Variants in DPF3 observed in about 807,000 individuals in gnomAD.
The protein encoded by DPF3 is zinc finger protein DPF3.
DPF3 carries 18 observed loss-of-function variants against 56.8 expected under a neutral mutation model. The observed-to-expected ratio is 0.32, with a 90% CI of 0.22 to 0.47. The LOEUF is 0.47. Among genes scored for constraint, DPF3 ranks in the 20% least tolerant of loss-of-function variants. DPF3 has a pLI of 1.00. For synonymous variants in DPF3, 188 were observed against 180.2 expected (o/e 1.04, Z -0.35); for missense variants, 403 against 488.8 (o/e 0.82, Z 1.65).
At chr14:72,877,057 G>T (rs1886144644) in intron 1 of DPF3, among the ~76,000 whole-genome samples, 1 of 152,194 alleles carries the variant, frequency 6.6e-6, no homozygotes, top group Admixed American at 6.6e-5. Flanking sequence ...ATGGAGGAAA[G>T]GAGAAAGACG....
chr14:72,626,242 G>A (rs1213395269), intron 9 of DPF3, among the ~76,000 whole-genome samples: 1 of 152,132 alleles, frequency 6.6e-6, no homozygotes, highest in East Asian at 1.9e-4. Context: ...TCTCAAAGAA[G>A]TGTTGTTTCT....
rs1384949471 is a variant in DPF3 at position 72,616,075 on chromosome 14, T to C, written c.*3222A>G. ...AATAGCTACCATGGAGTGGGGACCA[T>C]CATCATGCCAGACCCGGGCCAGGAT... On this transcript the variant is annotated 3_prime_UTR_variant, in exon 11 of 11. Transcript: ENST00000556509. Among the ~76,000 whole-genome samples, 1 of 152,156 alleles carries C rather than the reference T, an allele frequency of 6.6e-6. No homozygotes were observed. The highest frequency in any genetic ancestry group is 1.5e-5 in the Non-Finnish European group (1 of 68,034).
rs183953743 is a variant in DPF3 at position 72,789,971 on chromosome 14, C to T, written c.33-18078G>A. ...CAACTATCAAAAATTATTTTATAGG[C>T]TAGGTGTGGGTGGCTCATGCCTGTA... On this transcript the variant is annotated intron_variant, in intron 1 of 10. Transcript: ENST00000556509. 4.8e-3 allele frequency among the ~76,000 whole-genome samples: 728 copies of T among 151,966 alleles called. 5 individuals are homozygous for T. Among genetic ancestry groups the T allele is most frequent in the Non-Finnish European group, 7.4e-3 (503 of 67,956 alleles).
chr14:72,673,498 G>A (rs920541183), intron 8 of DPF3, among the ~76,000 whole-genome samples: 1 of 152,170 alleles, frequency 6.6e-6, no homozygotes, highest in African/African-American at 2.4e-5. Context: ...TAATGGTTTG[G>A]TTAGAACTAA....
At chr14:72,721,580 T>C (rs1025825630) in intron 5 of DPF3, among the ~76,000 whole-genome samples, 2 of 152,074 alleles carry the variant, frequency 1.3e-5, no homozygotes, top group Admixed American at 1.3e-4. Flanking sequence ...TGAGGAACTG[T>C]ATAAGGGAGA....
chr14:72,654,088 T>C (rs1480691658), intron 8 of DPF3, among the ~76,000 whole-genome samples: 8 of 152,136 alleles, frequency 5.3e-5, no homozygotes, highest in Admixed American at 6.6e-5. Flanking sequence ...TGCATCCTGC[T>C]CAAGAGCTCG....
chr14:72,839,747 G>A (rs750691121), intron 1 of DPF3, among the ~76,000 whole-genome samples: 20 of 152,168 alleles, frequency 1.3e-4, no homozygotes, highest in Admixed American at 4.6e-4. Context: ...GAAAGGGGCC[G>A]GTGAGGACAC....
chr14:72,771,679 C>G, intron 2 of DPF3, 54 bp downstream of exon 2: 2 of 1,554,036 alleles, frequency 1.3e-6, no homozygotes, highest in Non-Finnish European at 1.7e-6. Context: ...CGGTCCTCCT[C>G]CCTCCAGGCT....
chr14:72,892,525 G>A, intron 1 of DPF3: 1 of 1,390,230 alleles, frequency 7.2e-7, no homozygotes, highest in African/African-American at 1.5e-5. Flanking sequence ...TTTCTGATGG[G>A]CGACGAGCTG....
chr14:72,698,472 A>G (rs529452799), intron 6 of DPF3, among the ~76,000 whole-genome samples: 1 of 152,320 alleles, frequency 6.6e-6, no homozygotes, highest in South Asian at 2.1e-4. Context: ...TGTGCCCAGG[A>G]GTTGAAGACC....
intron 3 of DPF3, 118 bp downstream of exon 3, chr14:72,753,146 C>G: frequency 2.4e-6 from 2 of 824,050 alleles, no homozygotes; most frequent in Non-Finnish European, 3.8e-6. Context: ...TGGGCATGTT[C>G]CCTCTCCCAG....
intron 5 of DPF3, among the ~76,000 whole-genome samples, chr14:72,719,221 C>T (rs11621058): frequency 0.1 from 15,497 of 151,774 alleles, 1,099 homozygotes; most frequent in Middle Eastern, 0.21. Context: ...AGGTGCACAC[C>T]GCTCTGCCTG....
chr14:72,804,028 T>C (rs937429583), intron 1 of DPF3, among the ~76,000 whole-genome samples: 4 of 152,118 alleles, frequency 2.6e-5, no homozygotes, highest in African/African-American at 9.7e-5. Flanking sequence ...GTCATGGTGA[T>C]AACCCCAGAA....
chr14:72,744,950 T>C (rs1890266218), intron 3 of DPF3, among the ~76,000 whole-genome samples: 1 of 152,142 alleles, frequency 6.6e-6, no homozygotes, highest in Admixed American at 6.5e-5. Flanking sequence ...GATGAGGACA[T>C]GTCAGGGTGT....
intron 2 of DPF3, among the ~76,000 whole-genome samples, chr14:72,761,818 G>A (rs1891079684): frequency 6.6e-6 from 1 of 151,808 alleles, no homozygotes; most frequent in Non-Finnish European, 1.5e-5. Context: ...CCTCTAGTCA[G>A]AATGATGAGG....
chr14:72,838,672 G>A (rs1003644178), intron 1 of DPF3, among the ~76,000 whole-genome samples: 1 of 151,418 alleles, frequency 6.6e-6, no homozygotes, highest in Non-Finnish European at 1.5e-5. Flanking sequence ...CAGGAGAATC[G>A]CTTGAACCCA....
rs1024466738 is a variant in DPF3, at chr14:72,723,525, T to C, written c.525+108A>G. ...AGTTTTCTCCTTTGAGCGTTCTCCA[T>C]GTAAGACCATGGCCATGATTTCCAT... On this transcript the variant is annotated intron_variant, in intron 5 of 10. Coordinates refer to ENST00000556509, the MANE Select transcript of DPF3 (RefSeq NM_001280542.3). 6.2e-6 allele frequency: 6 copies of C among 971,290 alleles called. No homozygotes were observed. In the South Asian group the frequency reaches 7.0e-5, roughly 11 times the overall value. The allele number at this position is 971,290 out of a possible 1,614,324, so 60.2% of individuals were successfully genotyped here.
At chr14:72,800,435 T>C (rs1892830466) in intron 1 of DPF3, among the ~76,000 whole-genome samples, 1 of 151,932 alleles carries the variant, frequency 6.6e-6, no homozygotes, top group Admixed American at 6.6e-5. Flanking sequence ...GACACATGGA[T>C]GGATGCATGG....
At chr14:72,811,781 T>C (rs1325899726) in intron 1 of DPF3, among the ~76,000 whole-genome samples, 1 of 152,184 alleles carries the variant, frequency 6.6e-6, no homozygotes, top group African/African-American at 2.4e-5. Flanking sequence ...TCACATATAT[T>C]GTCTCTTGTA....
Sources: gnomAD v4.1 joint callset for allele counts (sites outside exome capture counted in the v4.1 genomes callset) on GRCh38, gnomAD v4.1.1 for gene constraint, MANE v1.5 for transcripts, NCBI Gene and HGNC (gene_info 2026-07-23, HGNC 2026-07-21) for gene names.